The following IL34 variants were observed in gnomAD, a reference collection of about 807,000 sequenced individuals.
IL34 encodes the protein interleukin-34.
A neutral mutation model predicts 25.3 loss-of-function variants in IL34; 17 were observed. That is an observed-to-expected ratio of 0.67 (90% CI 0.46 to 1.01). The LOEUF is 1.01. IL34 is among the 50% of genes least tolerant of loss of function. IL34 has a pLI of 0.00. For missense variants in IL34, 368 were observed against 312.9 expected (o/e 1.18, Z -1.33); for synonymous variants, 174 against 140.9 (o/e 1.23, Z -1.66).
chr16:70,601,969 A>T (rs1472912311), intron 1 of IL34, among the ~76,000 whole-genome samples: 1 of 152,204 alleles, frequency 6.6e-6, no homozygotes, highest in African/African-American at 2.4e-5. Flanking sequence ...TGAGGAGGTA[A>T]AGATGGCAAA....
upstream of IL34, among the ~76,000 whole-genome samples, chr16:70,645,282 T>C (rs1211335247): frequency 6.6e-6 from 1 of 152,168 alleles, no homozygotes; most frequent in Admixed American, 6.5e-5. Flanking sequence ...ACCCGTGTTC[T>C]CTCTATAAGG....
At chr16:70,596,360 A>T (rs1042541993) in intron 1 of IL34, among the ~76,000 whole-genome samples, 4 of 152,236 alleles carry the variant, frequency 2.6e-5, no homozygotes, top group Non-Finnish European at 4.4e-5. Flanking sequence ...CAAGACTAAG[A>T]CTGCCCGGAA....
intron 1 of IL34, among the ~76,000 whole-genome samples, chr16:70,621,500 G>A (rs537846695): frequency 7.1e-4 from 108 of 152,118 alleles, no homozygotes; most frequent in African/African-American, 2.3e-3. Context: ...TGGGCTGGTC[G>A]GTCTGAGGAC....
chr16:70,630,869 G>T (rs753123440), intron 1 of IL34, among the ~76,000 whole-genome samples: 1 of 152,070 alleles, frequency 6.6e-6, no homozygotes, highest in Non-Finnish European at 1.5e-5. Flanking sequence ...CACCAAGCTC[G>T]GGTCACATTT....
intron 1 of IL34, among the ~76,000 whole-genome samples, chr16:70,623,374 T>C (rs2051321068): frequency 6.6e-6 from 1 of 152,074 alleles, no homozygotes; most frequent in African/African-American, 2.4e-5. Context: ...AACAATTTGG[T>C]TGATAAGGCA....
chr16:70,656,116 C>T (rs1477985797), intron 2 of IL34, among the ~76,000 whole-genome samples: 1 of 152,200 alleles, frequency 6.6e-6, no homozygotes, highest in Non-Finnish European at 1.5e-5. Flanking sequence ...TATTTTGTTT[C>T]ACCCACCCTG....
intron 1 of IL34, among the ~76,000 whole-genome samples, chr16:70,619,306 G>T (rs990582355): frequency 6.6e-6 from 1 of 152,032 alleles, no homozygotes; most frequent in Non-Finnish European, 1.5e-5. Flanking sequence ...GTATCTTGTG[G>T]GTTAAGGTGG....
Position 70,660,342 on chromosome 16 carries a change from G to A in IL34, c.*155G>A. On this transcript the variant is annotated 3_prime_UTR_variant, in exon 6 of 6. Coordinates refer to ENST00000288098, the MANE Select transcript of IL34 (RefSeq NM_001393494.1). ...CCTTTGAGGGGGATTCTGTGCCACA[G>A]CAGGGCTCAGCTTCCTGCCTTCCAT... 1 of 649,164 alleles carries A rather than the reference G, an allele frequency of 1.5e-6. No homozygotes were observed. Among genetic ancestry groups the A allele is most frequent in the Non-Finnish European group, 2.5e-6 (1 of 403,234 alleles). 40.2% of individuals were successfully genotyped at this position (649,164 alleles called of 1,614,324 possible).
chr16:70,595,830 G>A (rs370092488), intron 1 of IL34, among the ~76,000 whole-genome samples: 14 of 151,868 alleles, frequency 9.2e-5, no homozygotes, highest in African/African-American at 2.9e-4. Flanking sequence ...GGGCCAACAT[G>A]GTGAAACCCC....
At chr16:70,608,119 CTTTTTTCTTTT>C (rs1296409884) in intron 1 of IL34, among the ~76,000 whole-genome samples, 55 of 68,758 alleles carry the variant, frequency 8.0e-4, no homozygotes, top group African/African-American at 2.9e-3. Context: ...GATTGATTTT[CTTTTTTCTTTT>C]TTTTTTTTTT....
At chr16:70,622,542 T>C (rs541845871) in intron 1 of IL34, among the ~76,000 whole-genome samples, 54 of 152,102 alleles carry the variant, frequency 3.6e-4, no homozygotes, top group African/African-American at 9.2e-4. Flanking sequence ...CTGGTGGAAC[T>C]GCCATCAATA....
chr16:70,643,847 A>G (rs1252644400), upstream of IL34, among the ~76,000 whole-genome samples: 1 of 152,234 alleles, frequency 6.6e-6, no homozygotes, highest in African/African-American at 2.4e-5. Context: ...GTGTGATGAC[A>G]ATATTGTGAT....
In IL34 at chr16:70,628,469, T is replaced by TTTTA. The variant is rs765080002; in HGVS notation, c.-400-18055_-400-18052dup. On this transcript the variant is annotated intron_variant, in intron 1 of 6. Transcript: ENST00000429149. ...CTAACTGGCTAGTGTGTGGGTTTGT[T>TTTTA]TTTATTTATTTATTTATTTATTTAT... Among the ~76,000 whole-genome samples, 75 of 150,016 alleles carry TTTTA rather than the reference T, an allele frequency of 5.0e-4. No homozygotes were observed. In the Middle Eastern group the frequency reaches 0.027, roughly 54 times the overall value.
intron 1 of IL34, among the ~76,000 whole-genome samples, chr16:70,612,013 A>AGT (rs1398449286): frequency 6.6e-6 from 1 of 152,192 alleles, no homozygotes; most frequent in African/African-American, 2.4e-5. Context: ...TGGGCAATAC[A>AGT]GTGAGACCCT....
At chr16:70,654,460 G>A in intron 1 of IL34, 78 bp from the exon 2 acceptor site, 2 of 1,513,326 alleles carry the variant, frequency 1.3e-6, no homozygotes, top group Non-Finnish European at 1.8e-6. Flanking sequence ...GATGATGGTT[G>A]TGCTCGGCTT....
intron 1 of IL34, among the ~76,000 whole-genome samples, chr16:70,640,855 C>T (rs1464820622): frequency 1.3e-5 from 2 of 152,116 alleles, no homozygotes; most frequent in Non-Finnish European, 2.9e-5. Flanking sequence ...ATCCCCTTCC[C>T]CACTCCCCAT....
At chr16:70,590,927 C>T (rs1328007742) in intron 1 of IL34, among the ~76,000 whole-genome samples, 1 of 152,192 alleles carries the variant, frequency 6.6e-6, no homozygotes, top group Non-Finnish European at 1.5e-5. Context: ...CCCTCCCCGT[C>T]GTCAGTGCGC....
intron 1 of IL34, among the ~76,000 whole-genome samples, chr16:70,627,621 A>G (rs377657247): frequency 1.3e-5 from 2 of 152,196 alleles, no homozygotes; most frequent in African/African-American, 4.8e-5. Context: ...GGCACAAGCC[A>G]CCATACCTGG....
intron 1 of IL34, among the ~76,000 whole-genome samples, chr16:70,635,330 G>A (rs1389355449): frequency 6.6e-6 from 1 of 152,242 alleles, no homozygotes; most frequent in African/African-American, 2.4e-5. Context: ...TCACAGAGCT[G>A]TCAAGCTAAA....
Sources: allele counts gnomAD v4.1 joint callset (sites outside exome capture counted in the v4.1 genomes callset), GRCh38; gene constraint gnomAD v4.1.1; transcripts MANE v1.5; gene names NCBI Gene and HGNC (gene_info 2026-07-23, HGNC 2026-07-21).